Variants in SHISA6 observed in about 807,000 individuals in gnomAD.
The protein encoded by SHISA6 is shisa family member 6, also known as protein shisa-6.
A neutral mutation model predicts 47.9 loss-of-function variants in SHISA6; 22 were observed. The observed-to-expected ratio is 0.46, with a 90% CI of 0.33 to 0.66. SHISA6 has a LOEUF of 0.66. Ranked by LOEUF, SHISA6 falls within the 30% of genes least tolerant of loss-of-function variation. SHISA6 has a pLI of 0.02. For synonymous variants in SHISA6, 388 were observed against 337.8 expected (o/e 1.15, Z -1.63); for missense variants, 680 against 764.6 (o/e 0.89, Z 1.30).
chr17:11,269,698 G>T (rs9909830), intron 2 of SHISA6, among the ~76,000 whole-genome samples: 2 of 152,168 alleles, frequency 1.3e-5, no homozygotes, highest in East Asian at 3.9e-4. Flanking sequence ...CTGTTGTTCT[G>T]GAGGAGTCTG....
intron 2 of SHISA6, among the ~76,000 whole-genome samples, chr17:11,272,637 C>A (rs1460222748): frequency 6.6e-6 from 1 of 152,174 alleles, no homozygotes; most frequent in Admixed American, 6.5e-5. Context: ...TAAGGTGTGT[C>A]TGGTATCAGC....
At chr17:11,387,523 G>C (rs1913237646) in intron 3 of SHISA6, among the ~76,000 whole-genome samples, 1 of 152,096 alleles carries the variant, frequency 6.6e-6, no homozygotes, top group South Asian at 2.1e-4. Flanking sequence ...TCTGAGAAGG[G>C]CATGAAGCCA....
At chr17:11,368,868 G>C (rs1167635031) in intron 2 of SHISA6, among the ~76,000 whole-genome samples, 5 of 152,084 alleles carry the variant, frequency 3.3e-5, no homozygotes, top group Non-Finnish European at 7.4e-5. Flanking sequence ...TGTTGGTCAG[G>C]CTGGTCTCGA....
rs903109999 is a variant in SHISA6 at position 11,551,898 on chromosome 17, G to A, written c.898G>A (p.Asp300Asn). The change falls in exon 4 of 6, where the codon GAT (aspartate) becomes AAT (asparagine). Residue 300 changes from aspartate (D) to asparagine (N), a missense_variant and splice_region_variant. Coordinates refer to ENST00000441885, the MANE Select transcript of SHISA6 (RefSeq NM_207386.4). ...AATTTCTTTTCTATGATTTTCAGGTGATCATCAATATAACCATCCGATTTT... is the reference window on the plus strand; with the variant it reads ...AATTTCTTTTCTATGATTTTCAGGTAATCATCAATATAACCATCCGATTTT... The part of the protein sequence containing the change: ...VTLGRGHTKG[D>N]HQYNHPILSS... The A allele has an allele frequency of 1.9e-6, 3 of 1,551,510 alleles. No homozygotes were observed. The African/African-American group carries it at 4.1e-5, about 21-fold the overall frequency.
At chr17:11,452,078 C>T (rs570772984) in intron 3 of SHISA6, among the ~76,000 whole-genome samples, 1 of 152,188 alleles carries the variant, frequency 6.6e-6, no homozygotes, top group East Asian at 1.9e-4. Flanking sequence ...GGAGACAGGA[C>T]CACGGACATG....
Position 11,551,912 on chromosome 17 carries a change from C to T in SHISA6, c.912C>T (p.Asn304=), listed in dbSNP as rs565892118. The T allele has an allele frequency of 2.6e-6, 4 of 1,551,690 alleles. No individual in the cohort carries two copies. The highest frequency in any genetic ancestry group is 3.9e-5 in the Admixed American group (2 of 51,008). The part of the protein sequence containing the change: ...RGHTKGDHQY[N]HPILSSVTQI... Reference sequence around the variant, plus strand: ...GATTTTCAGGTGATCATCAATATAACCATCCGATTTTGAGCAGTGTTACCC... The same window carrying T: ...GATTTTCAGGTGATCATCAATATAATCATCCGATTTTGAGCAGTGTTACCC... The change falls in exon 4 of 6, where the codon AAC becomes AAT. Residue 304 remains asparagine (N), a synonymous_variant. Transcript: ENST00000441885.
At chr17:11,309,779 T>C (rs1910251548) in intron 2 of SHISA6, among the ~76,000 whole-genome samples, 1 of 152,254 alleles carries the variant, frequency 6.6e-6, no homozygotes, top group South Asian at 2.1e-4. Context: ...CTTGTTTCTC[T>C]TTTAAGGTTC....
chr17:11,307,468 G>A (rs191310569), intron 2 of SHISA6, among the ~76,000 whole-genome samples: 4 of 152,340 alleles, frequency 2.6e-5, no homozygotes, highest in Non-Finnish European at 4.4e-5. Context: ...GCAAGAGGAA[G>A]GAAGCAGGTC....
At chr17:11,302,513 G>A (rs79494517) in intron 2 of SHISA6, among the ~76,000 whole-genome samples, 33 of 152,288 alleles carry the variant, frequency 2.2e-4, no homozygotes, top group African/African-American at 7.7e-4. Context: ...TTGCAATAAG[G>A]GGATGGTACA....
At chr17:11,526,119 C>T (rs534508340) in intron 3 of SHISA6, among the ~76,000 whole-genome samples, 5 of 151,842 alleles carry the variant, frequency 3.3e-5, no homozygotes, top group Non-Finnish European at 7.4e-5. Context: ...GACCCCCCCC[C>T]GCTCTCTGCT....
intron 2 of SHISA6, among the ~76,000 whole-genome samples, chr17:11,333,534 A>C (rs1057131128): frequency 1.3e-5 from 2 of 151,674 alleles, no homozygotes; most frequent in African/African-American, 4.9e-5. Context: ...TTTTATTTTG[A>C]GATGGAGTCT....
chr17:11,466,232 A>G (rs1915808215), intron 3 of SHISA6, among the ~76,000 whole-genome samples: 1 of 152,158 alleles, frequency 6.6e-6, no homozygotes, highest in African/African-American at 2.4e-5. Flanking sequence ...AAGAGAACAC[A>G]CCTGTTGTCA....
intron 3 of SHISA6, among the ~76,000 whole-genome samples, chr17:11,418,870 C>G (rs184815717): frequency 1.1e-3 from 165 of 152,212 alleles, no homozygotes; most frequent in Admixed American, 4.1e-3. Context: ...TATTTCTATT[C>G]CATTTCCATC....
intron 3 of SHISA6, among the ~76,000 whole-genome samples, chr17:11,442,211 G>A (rs537731388): frequency 5.4e-4 from 83 of 152,314 alleles, no homozygotes; most frequent in Non-Finnish European, 9.3e-4. Flanking sequence ...AGCTAAAGAA[G>A]TGGAGTCTCA....
At chr17:11,458,336 T>G (rs1226961121) in intron 3 of SHISA6, among the ~76,000 whole-genome samples, 1 of 152,144 alleles carries the variant, frequency 6.6e-6, no homozygotes, top group Non-Finnish European at 1.5e-5. Context: ...TGGGCTCTGA[T>G]AGTAATGTTC....
chr17:11,491,863 C>CAGG (rs1277561615), intron 3 of SHISA6, among the ~76,000 whole-genome samples: 1 of 151,500 alleles, frequency 6.6e-6, no homozygotes, highest in Non-Finnish European at 1.5e-5. Context: ...CCTCCACCTC[C>CAGG]CGAGTTCAAG....
intron 2 of SHISA6, chr17:11,289,013 A>G (rs1909425903): frequency 6.6e-6 from 1 of 152,190 alleles, no homozygotes; most frequent in Non-Finnish European, 1.5e-5. Flanking sequence ...ATGGTAAAAC[A>G]TTTAACACAG....
At chr17:11,429,505 G>C (rs1398347041) in intron 3 of SHISA6, among the ~76,000 whole-genome samples, 2 of 151,886 alleles carry the variant, frequency 1.3e-5, no homozygotes, top group African/African-American at 4.8e-5. Context: ...ATCCGGCCAG[G>C]CGCCTTGGCT....
chr17:11,535,534 T>A (rs760363881), intron 3 of SHISA6, among the ~76,000 whole-genome samples: 7 of 152,158 alleles, frequency 4.6e-5, no homozygotes, highest in Non-Finnish European at 1.0e-4. Context: ...AGAACAGATT[T>A]CTAGATTAGA....
Sources: gnomAD v4.1 joint callset for allele counts (sites outside exome capture counted in the v4.1 genomes callset) on GRCh38, gnomAD v4.1.1 for gene constraint, MANE v1.5 for transcripts, NCBI Gene and HGNC (gene_info 2026-07-23, HGNC 2026-07-21) for gene names.